The following UBE2G1 variants were observed in gnomAD, a reference collection of about 807,000 sequenced individuals.
The protein encoded by UBE2G1 is ubiquitin conjugating enzyme E2 G1.
Under a neutral mutation model 22.7 loss-of-function variants are expected in UBE2G1, and 5 were observed. The ratio of observed to expected loss-of-function variants is 0.22; its 90% CI spans 0.12 to 0.46. The LOEUF (loss-of-function observed/expected upper bound fraction) is 0.46. Ranked by LOEUF, UBE2G1 falls within the 20% of genes least tolerant of loss-of-function variation. The pLI, the probability that UBE2G1 is intolerant of heterozygous loss-of-function variation, is 0.99. For synonymous variants in UBE2G1, 74 were observed against 67.5 expected (o/e 1.10, Z -0.47); for missense variants, 88 against 203.9 (o/e 0.43, Z 3.46).
In UBE2G1 at chr17:4,366,132, C is replaced by A. The variant is rs1173588952; in HGVS notation, c.46+139G>T. 1.0e-5 allele frequency: 9 copies of A among 874,974 alleles called. No individual in the cohort carries two copies. The South Asian group carries it at 1.6e-4, about 16-fold the overall frequency. The allele number at this position is 874,974 out of a possible 1,614,324, so 54.2% of individuals were successfully genotyped here. The stretch of plus-strand genomic sequence containing the variant: ...CGAGAACGGCTGGGCCCGGCCGGGA[C>A]CGGAGCCTCGAGGTCCCCACCCTCG... On this transcript the variant is annotated intron_variant, in intron 1 of 5. Coordinates refer to ENST00000396981, the MANE Select transcript of UBE2G1 (RefSeq NM_003342.5).
At chr17:4,274,888 A>G (rs543167961) in intron 5 of UBE2G1, among the ~76,000 whole-genome samples, 2 of 15,054 alleles carry the variant, frequency 1.3e-4, no homozygotes, top group Non-Finnish European at 5.3e-4. Flanking sequence ...TTGTCTGTAC[A>G]ATAAATAATA....
intron 1 of UBE2G1, among the ~76,000 whole-genome samples, chr17:4,355,785 C>T (rs1223449739): frequency 6.8e-6 from 1 of 146,570 alleles, no homozygotes; most frequent in Non-Finnish European, 1.5e-5. Context: ...GCTGCAACCT[C>T]CACCTCGCGG....
chr17:4,354,731 G>A (rs566037391), intron 1 of UBE2G1, among the ~76,000 whole-genome samples: 2 of 152,212 alleles, frequency 1.3e-5, no homozygotes, highest in Non-Finnish European at 2.9e-5. Context: ...AGTAGTTCAA[G>A]ACCAGCCTGG....
At chr17:4,287,262 G>A (rs1030297730) in intron 4 of UBE2G1, among the ~76,000 whole-genome samples, 4 of 151,840 alleles carry the variant, frequency 2.6e-5, no homozygotes, top group South Asian at 4.2e-4. Context: ...CTGCCACCAC[G>A]CCTGGCTAAT....
rs1206622742 is a variant in UBE2G1, at chr17:4,269,705, T to C, written c.*2849A>G. On this transcript the variant is annotated 3_prime_UTR_variant, in exon 6 of 6. Transcript: ENST00000396981. ...AGAGGCCAGAAAGCCACTCAGATCA[T>C]CTATCCCATACAAGCACAGACTGAA... The C allele has an allele frequency of 5.4e-6, 1 of 186,184 alleles. No homozygotes were observed. 11.5% of individuals were successfully genotyped at this position (186,184 alleles called of 1,614,324 possible). A position where few individuals can be genotyped will look rare whatever the true frequency, so the allele number is the denominator to read the frequency against.
chr17:4,299,224 G>A (rs932148072), intron 2 of UBE2G1, among the ~76,000 whole-genome samples: 1 of 152,096 alleles, frequency 6.6e-6, no homozygotes, highest in Non-Finnish European at 1.5e-5. Flanking sequence ...TTCTAATTAT[G>A]GGTTTGAAAG....
intron 2 of UBE2G1, among the ~76,000 whole-genome samples, chr17:4,297,321 C>G (rs1969123626): frequency 6.6e-6 from 1 of 152,108 alleles, no homozygotes; most frequent in South Asian, 2.1e-4. Context: ...CAAGTATTTA[C>G]TCGGCATTTA....
chr17:4,345,437 A>C (rs956324918), intron 1 of UBE2G1, among the ~76,000 whole-genome samples: 1 of 152,244 alleles, frequency 6.6e-6, no homozygotes, highest in Admixed American at 6.5e-5. Context: ...TCTGAAAGGC[A>C]CTTTTAAAAA....
chr17:4,358,346 G>A (rs1339873401), intron 1 of UBE2G1, among the ~76,000 whole-genome samples: 7 of 151,918 alleles, frequency 4.6e-5, no homozygotes, highest in African/African-American at 9.7e-5. Flanking sequence ...GCTCACTGCC[G>A]CCTCAAAATC....
chr17:4,327,342 G>A (rs990065506), intron 1 of UBE2G1, among the ~76,000 whole-genome samples: 2 of 150,546 alleles, frequency 1.3e-5, no homozygotes, highest in African/African-American at 2.4e-5. Context: ...GCGTAGTGGC[G>A]GGCACCCCTA....
At chr17:4,362,187 A>G (rs1969976762) in intron 1 of UBE2G1, among the ~76,000 whole-genome samples, 1 of 152,160 alleles carries the variant, frequency 6.6e-6, no homozygotes, top group African/African-American at 2.4e-5. Flanking sequence ...CCACCGCTCA[A>G]TTTGCAAAGG....
At chr17:4,327,598 T>C (rs1313229669) in intron 1 of UBE2G1, among the ~76,000 whole-genome samples, 3 of 152,192 alleles carry the variant, frequency 2.0e-5, no homozygotes, top group African/African-American at 7.2e-5. Context: ...TGTGTTTGTT[T>C]ATTAAGACTT....
intron 2 of UBE2G1, among the ~76,000 whole-genome samples, chr17:4,300,016 G>A (rs563996140): frequency 3.3e-5 from 5 of 151,494 alleles, no homozygotes; most frequent in South Asian, 2.1e-4. Context: ...TAGTAGAGAC[G>A]GGGTTTCACT....
At position 4,271,077 on chromosome 17, in the gene UBE2G1, A is replaced by G. The variant is rs976983238; in HGVS notation, c.*1477T>C. 9 of 152,244 alleles carry G rather than the reference A, an allele frequency of 5.9e-5. No individual in the cohort carries two copies. The highest frequency in any genetic ancestry group is 5.2e-4 in the Admixed American group (8 of 15,278). The allele number at this position is 152,244 out of a possible 1,614,324, so 9.4% of individuals were successfully genotyped here. ...CACAACCTCACAACAAACATGAAGGAGCCTAAGGCCTGCCTTTAACACTGC... is the reference window on the plus strand; with the variant it reads ...CACAACCTCACAACAAACATGAAGGGGCCTAAGGCCTGCCTTTAACACTGC... On this transcript the variant is annotated 3_prime_UTR_variant, in exon 6 of 6. Transcript: ENST00000396981.
rs542440260 is a variant in UBE2G1, at chr17:4,311,620, G to C, written c.47-4497C>G. On this transcript the variant is annotated intron_variant, in intron 1 of 5. Coordinates refer to ENST00000396981, the MANE Select transcript of UBE2G1 (RefSeq NM_003342.5). ...AGACAGAAAGTAGATTAGACAATGA[G>C]GGAAGGGAGAAAGGGGGCGTAATTA... Among the ~76,000 whole-genome samples the C allele has an allele frequency of 2.6e-5, 4 of 152,270 alleles. No individual in the cohort carries two copies. In the East Asian group the frequency reaches 7.7e-4, roughly 29 times the overall value.
In UBE2G1 at chr17:4,366,372, C is replaced by T. The variant is rs1007856688; in HGVS notation, c.-56G>A. ...GGGCTTCCGAAGGGCTGGGGACAGG[C>T]TCTGGGGGCGGCTGGAGCGGGGTGT... On this transcript the variant is annotated 5_prime_UTR_variant, in exon 1 of 6. Coordinates refer to ENST00000396981, the MANE Select transcript of UBE2G1 (RefSeq NM_003342.5). 20 of 1,438,858 alleles carry T rather than the reference C, an allele frequency of 1.4e-5. No homozygotes were observed. Among genetic ancestry groups the T allele is most frequent in the Non-Finnish European group, 1.5e-5 (17 of 1,102,618 alleles). 89.1% of individuals were successfully genotyped at this position (1,438,858 alleles called of 1,614,324 possible).
At chr17:4,337,507 G>A (rs1969662904) in intron 1 of UBE2G1, among the ~76,000 whole-genome samples, 1 of 151,780 alleles carries the variant, frequency 6.6e-6, no homozygotes, top group South Asian at 2.1e-4. Context: ...ACAAATGTTA[G>A]CCAGGTGCGG....
In UBE2G1 at chr17:4,306,121, A is replaced by G. The variant is rs549970801; in HGVS notation, c.149+900T>C. On this transcript the variant is annotated intron_variant, in intron 2 of 5. Transcript: ENST00000396981. ...AAAGTGACCATTAGTTTAGTTTGGG[A>G]TAAGAACACCTAGATTCTAACCAGT... 1.5e-4 allele frequency among the ~76,000 whole-genome samples: 23 copies of G among 152,342 alleles called. No individual in the cohort carries two copies. The South Asian group carries it at 4.8e-3, about 32-fold the overall frequency.
chr17:4,293,202 A>G (rs974910381), intron 3 of UBE2G1, among the ~76,000 whole-genome samples: 3 of 152,108 alleles, frequency 2.0e-5, no homozygotes, highest in African/African-American at 4.8e-5. Context: ...GGATTTGTCT[A>G]TTCTTGACAT....
Sources: allele counts gnomAD v4.1 joint callset (sites outside exome capture counted in the v4.1 genomes callset), GRCh38; gene constraint gnomAD v4.1.1; transcripts MANE v1.5; gene names NCBI Gene and HGNC (gene_info 2026-07-23, HGNC 2026-07-21).